The following RSU1 variants were observed in gnomAD, a reference collection of about 807,000 sequenced individuals.
RSU1 encodes the protein rsu-1.
RSU1 carries 26 observed loss-of-function variants against 31.1 expected under a neutral mutation model. That is an observed-to-expected ratio of 0.84 (90% confidence interval 0.61 to 1.16). RSU1 has a LOEUF of 1.16. Among genes scored for constraint, RSU1 ranks in the 50% most tolerant of loss-of-function variants. The pLI is 0.00. For synonymous variants in RSU1, 164 were observed against 136.3 expected (o/e 1.20, Z -1.41); for missense variants, 320 against 339.1 (o/e 0.94, Z 0.44).
chr10:16,596,658 A>C (rs1833619634), intron 8 of RSU1, among the ~76,000 whole-genome samples: 1 of 152,158 alleles, frequency 6.6e-6, no homozygotes, highest in African/African-American at 2.4e-5. Flanking sequence ...CAAACCCCTT[A>C]TCCGCACAGA....
chr10:16,773,990 C>T (rs368711880), intron 3 of RSU1, among the ~76,000 whole-genome samples: 4 of 151,420 alleles, frequency 2.6e-5, no homozygotes, highest in East Asian at 1.9e-4. Context: ...AACAGCAAAA[C>T]GCAAGGTCAA....
At chr10:16,706,441 G>A (rs1350038436) in intron 7 of RSU1, among the ~76,000 whole-genome samples, 1 of 152,036 alleles carries the variant, frequency 6.6e-6, no homozygotes, top group Non-Finnish European at 1.5e-5. Context: ...TTTTTCAACT[G>A]GGTTGTGTTT....
At chr10:16,797,633 T>C (rs1838065855) in intron 2 of RSU1, among the ~76,000 whole-genome samples, 2 of 151,586 alleles carry the variant, frequency 1.3e-5, no homozygotes, top group Non-Finnish European at 2.9e-5. Context: ...ATTGACTATT[T>C]CAAAACAAGG....
chr10:16,612,258 T>C (rs1833903805), intron 8 of RSU1, among the ~76,000 whole-genome samples: 1 of 152,220 alleles, frequency 6.6e-6, no homozygotes, highest in Admixed American at 6.5e-5. Flanking sequence ...TGTTGCAATA[T>C]GTATGCTTGA....
At chr10:16,807,891 C>T (rs550731335) in intron 2 of RSU1, among the ~76,000 whole-genome samples, 254 of 152,026 alleles carry the variant, frequency 1.7e-3, no homozygotes, top group Admixed American at 4.2e-3. Context: ...GGCTTGGTGG[C>T]GGGTGCCTGT....
At chr10:16,652,114 T>C (rs1286055616) in intron 8 of RSU1, among the ~76,000 whole-genome samples, 1 of 152,046 alleles carries the variant, frequency 6.6e-6, no homozygotes, top group East Asian at 1.9e-4. Context: ...AAATGCTTCT[T>C]ATTGGAAAGC....
intron 8 of RSU1, among the ~76,000 whole-genome samples, chr10:16,601,522 C>A (rs958037468): frequency 2.0e-5 from 3 of 152,178 alleles, no homozygotes; most frequent in Non-Finnish European, 2.9e-5. Context: ...TAATCAGGCC[C>A]ATGTCACATG....
At chr10:16,711,494 A>G (rs1836018625) in intron 7 of RSU1, among the ~76,000 whole-genome samples, 1 of 151,584 alleles carries the variant, frequency 6.6e-6, no homozygotes, top group Non-Finnish European at 1.5e-5. Context: ...TTCATTAAAA[A>G]TCTCTCTTCT....
intron 8 of RSU1, among the ~76,000 whole-genome samples, chr10:16,595,769 C>A (rs1361570945): frequency 6.6e-6 from 1 of 151,764 alleles, no homozygotes; most frequent in African/African-American, 2.4e-5. Context: ...GAGATGGAGA[C>A]CATCCTGGCC....
intron 3 of RSU1, among the ~76,000 whole-genome samples, chr10:16,776,732 G>A (rs1314119364): frequency 6.7e-6 from 1 of 149,918 alleles, no homozygotes; most frequent in East Asian, 2.0e-4. Flanking sequence ...TTTGCACAGA[G>A]CAAAAAGATA....
chr10:16,764,930 G>A, intron 3 of RSU1, among the ~76,000 whole-genome samples: 1 of 151,650 alleles, frequency 6.6e-6, no homozygotes, highest in East Asian at 1.9e-4. Context: ...AAGAAGAAAT[G>A]CTTCTTCGTA....
At chr10:16,665,774 G>T (rs1834977647) in intron 8 of RSU1, among the ~76,000 whole-genome samples, 1 of 152,170 alleles carries the variant, frequency 6.6e-6, no homozygotes, top group Non-Finnish European at 1.5e-5. Context: ...TGCTGACACT[G>T]AAGATATTCC....
chr10:16,658,445 C>T (rs1242436372), intron 8 of RSU1, among the ~76,000 whole-genome samples: 5 of 152,106 alleles, frequency 3.3e-5, no homozygotes, highest in African/African-American at 4.8e-5. Context: ...TTGGTGTGGA[C>T]GGGCACAGGG....
chr10:16,703,916 G>C (rs1588480453), intron 7 of RSU1, among the ~76,000 whole-genome samples: 1 of 152,134 alleles, frequency 6.6e-6, no homozygotes, highest in Admixed American at 6.5e-5. Context: ...TCTCAAACTT[G>C]AGTGTGCATC....
At chr10:16,644,458 T>C (rs1475107483) in intron 8 of RSU1, among the ~76,000 whole-genome samples, 2 of 152,246 alleles carry the variant, frequency 1.3e-5, no homozygotes, top group African/African-American at 4.8e-5. Flanking sequence ...TTTTCTGCAC[T>C]ATCTTATTAT....
chr10:16,683,160 G>GGGGTGTGTGTGTGTGTGTGTGTGTGT (rs1554766309), intron 8 of RSU1, among the ~76,000 whole-genome samples: 3 of 143,352 alleles, frequency 2.1e-5, no homozygotes, highest in Admixed American at 6.9e-5. Context: ...ATGGGTGTGT[G>GGGGTGTGTGTGTGTGTGTGTGTGTGT]GTGTGTGTGT....
chr10:16,764,246 A>C (rs1564349041), intron 4 of RSU1, 144 bp downstream of exon 4: 2 of 929,534 alleles, frequency 2.2e-6, no homozygotes, highest in East Asian at 5.4e-5. Context: ...TAAAACAATA[A>C]AATTTTTTTA....
chr10:16,770,520 T>C (rs1024162158), intron 3 of RSU1, among the ~76,000 whole-genome samples: 3 of 151,952 alleles, frequency 2.0e-5, no homozygotes, highest in Admixed American at 1.3e-4. Flanking sequence ...TTCTGGGGAG[T>C]TGGGGGCTGC....
At chr10:16,621,851 C>T (rs1015411069) in intron 8 of RSU1, among the ~76,000 whole-genome samples, 2 of 152,178 alleles carry the variant, frequency 1.3e-5, no homozygotes, top group African/African-American at 2.4e-5. Flanking sequence ...GGTGGGGACA[C>T]AGCCAAACCA....
Sources: allele counts gnomAD v4.1 joint callset (sites outside exome capture counted in the v4.1 genomes callset), GRCh38; gene constraint gnomAD v4.1.1; transcripts MANE v1.5; gene names NCBI Gene and HGNC (gene_info 2026-07-23, HGNC 2026-07-21).